USP15: variants seen among roughly 807,000 people sequenced by gnomAD.
USP15 encodes the protein ubiquitin specific peptidase 15.
In USP15, 18 loss-of-function variants were observed where a neutral mutation model predicts 127.1. The ratio of observed to expected loss-of-function variants is 0.14; its 90% confidence interval spans 0.10 to 0.21. The LOEUF (loss-of-function observed/expected upper bound fraction) is 0.21. Ranked by LOEUF, USP15 falls within the 10% of genes least tolerant of loss-of-function variation. The pLI is 1.00. For missense variants in USP15, 805 were observed against 1,159.9 expected (o/e 0.69, Z 4.44); for synonymous variants, 364 against 393.7 (o/e 0.92, Z 0.89).
In USP15 at chr12:62,409,158, A is replaced by G. The variant is rs1161606676; in HGVS notation, c.*4783A>G. 2 of 152,186 alleles carry G rather than the reference A, an allele frequency of 1.3e-5. No homozygotes were observed. The highest frequency in any genetic ancestry group is 2.9e-5 in the Non-Finnish European group (2 of 68,012). 9.4% of individuals were successfully genotyped at this position (152,186 alleles called of 1,614,324 possible). ...TTGGAAAATATATGCATCGGGAAAC[A>G]TACCCCACACGGTGCCATGGTTTAA... On this transcript the variant is annotated 3_prime_UTR_variant, in exon 22 of 22. Coordinates refer to ENST00000280377, the MANE Select transcript of USP15 (RefSeq NM_001252078.2).
chr12:62,371,279 T>TG (rs1279546437), intron 8 of USP15, among the ~76,000 whole-genome samples: 1 of 152,206 alleles, frequency 6.6e-6, no homozygotes, highest in East Asian at 1.9e-4. Context: ...CTTCCCTACT[T>TG]GCGTTTTTCA....
In USP15 at chr12:62,379,430, G is replaced by A. The variant is rs542636300; in HGVS notation, c.916-2060G>A. On this transcript the variant is annotated intron_variant, in intron 8 of 21. Coordinates refer to ENST00000280377, the MANE Select transcript of USP15 (RefSeq NM_001252078.2). ...CCGTTAAAGGATTTATAGCAAGGAA[G>A]CAACATGATGAGATGTACATTTTAG... Among the ~76,000 whole-genome samples, 24 of 152,208 alleles carry A rather than the reference G, an allele frequency of 1.6e-4. 1 individual carries two copies. In the South Asian group the frequency reaches 4.6e-3, roughly 29 times the overall value.
At chr12:62,390,826 G>C in intron 14 of USP15, 38 bp from the exon 15 acceptor site, 1 of 1,465,678 alleles carries the variant, frequency 6.8e-7, no homozygotes, top group Non-Finnish European at 9.4e-7. Flanking sequence ...TTTTATCTTT[G>C]TAGTACTGAA....
At chr12:62,362,330 T>C (rs1350712425) in intron 8 of USP15, among the ~76,000 whole-genome samples, 1 of 152,132 alleles carries the variant, frequency 6.6e-6, no homozygotes, top group Admixed American at 6.6e-5. Context: ...TAAAAATGTT[T>C]TTATGTTTAG....
intron 3 of USP15, chr12:62,304,810 A>G (rs1374745985): frequency 1.9e-5 from 7 of 367,634 alleles, no homozygotes; most frequent in African/African-American, 1.1e-4. Context: ...TAGATTTTAG[A>G]ATAGTGGGCT....
intron 1 of USP15, among the ~76,000 whole-genome samples, chr12:62,260,834 G>C (rs1249721355): frequency 1.3e-5 from 2 of 152,074 alleles, no homozygotes; most frequent in Non-Finnish European, 2.9e-5. Context: ...TAGTGGTTTG[G>C]TTTGAGTCTT....
intron 6 of USP15, among the ~76,000 whole-genome samples, chr12:62,339,817 G>A (rs922201457): frequency 6.6e-6 from 1 of 152,202 alleles, no homozygotes; most frequent in Admixed American, 6.5e-5. Context: ...TTGCATCAAT[G>A]TGCATCAGGG....
chr12:62,266,175 A>G (rs2063187946), intron 1 of USP15, among the ~76,000 whole-genome samples: 3 of 152,358 alleles, frequency 2.0e-5, no homozygotes, highest in Admixed American at 6.5e-5. Context: ...TTGTCTATCA[A>G]TAATCATAAG....
At chr12:62,285,762 T>C (rs887132065) in intron 1 of USP15, among the ~76,000 whole-genome samples, 1 of 152,230 alleles carries the variant, frequency 6.6e-6, no homozygotes, top group African/African-American at 2.4e-5. Flanking sequence ...TGCAGGTGTC[T>C]TTTTGATAGA....
At chr12:62,383,740 C>A in intron 9 of USP15, 100 bp from the exon 10 acceptor site, 2 of 1,313,456 alleles carry the variant, frequency 1.5e-6, no homozygotes, top group Non-Finnish European at 2.1e-6. Flanking sequence ...CAGGCAAATT[C>A]ACAAATGTGG....
At chr12:62,271,299 C>G (rs1380215430) in intron 1 of USP15, among the ~76,000 whole-genome samples, 1 of 151,766 alleles carries the variant, frequency 6.6e-6, no homozygotes, top group African/African-American at 2.4e-5. Flanking sequence ...TGCAGTTATG[C>G]AAGAAAAGTA....
At chr12:62,324,119 G>T (rs2065063702) in intron 5 of USP15, among the ~76,000 whole-genome samples, 1 of 151,540 alleles carries the variant, frequency 6.6e-6, no homozygotes, top group African/African-American at 2.4e-5. Context: ...TTTTGTGTGG[G>T]TTTAATTTTA....
chr12:62,354,045 T>G (rs1386175073), intron 7 of USP15, among the ~76,000 whole-genome samples: 1 of 151,820 alleles, frequency 6.6e-6, no homozygotes, highest in Non-Finnish European at 1.5e-5. Flanking sequence ...TTTTAAAAAA[T>G]GCAAAAACAT....
chr12:62,325,804 C>A, intron 5 of USP15, 68 bp from the exon 6 acceptor site: 3 of 1,311,288 alleles, frequency 2.3e-6, no homozygotes, highest in South Asian at 2.8e-5. Context: ...GTTTATCCAG[C>A]TATCTTCTAA....
chr12:62,392,227 T>A, intron 17 of USP15, 45 bp from the exon 18 acceptor site: 1 of 1,307,444 alleles, frequency 7.6e-7, no homozygotes, highest in Non-Finnish European at 1.1e-6. Flanking sequence ...CTAAAATGAG[T>A]TTTGTTTCAT....
At chr12:62,401,357 G>A (rs751275363) in intron 21 of USP15, 82 bp downstream of exon 21, 20 of 1,028,482 alleles carry the variant, frequency 1.9e-5, no homozygotes, top group Non-Finnish European at 2.9e-5. Flanking sequence ...GGGGCTCATG[G>A]AACACTGTAG....
rs542331445 is a variant in USP15, at chr12:62,351,585, A to G, written c.770+2278A>G. Among the ~76,000 whole-genome samples, 9 of 152,122 alleles carry G rather than the reference A, an allele frequency of 5.9e-5. No homozygotes were observed. In the South Asian group the frequency reaches 1.9e-3, roughly 32 times the overall value. On this transcript the variant is annotated intron_variant, in intron 7 of 21. Coordinates refer to ENST00000280377, the MANE Select transcript of USP15 (RefSeq NM_001252078.2). ...GTGTTTCTGGTTTTGTTCTGTTTGC[A>G]TTCTTAGTAAATACGTGACAGTATA... is the stretch of plus-strand genomic sequence containing the variant.
intron 1 of USP15, among the ~76,000 whole-genome samples, chr12:62,288,033 G>C (rs887234946): frequency 1.3e-5 from 2 of 152,050 alleles, no homozygotes; most frequent in African/African-American, 4.8e-5. Flanking sequence ...GATGCCTCCA[G>C]CTTTGTTCTT....
intron 8 of USP15, among the ~76,000 whole-genome samples, chr12:62,367,776 A>AT (rs988200611): frequency 4.0e-5 from 6 of 151,684 alleles, no homozygotes; most frequent in African/African-American, 1.5e-4. Flanking sequence ...GATTTCATTG[A>AT]TTTTTTTGAA....
Sources: allele counts gnomAD v4.1 joint callset (sites outside exome capture counted in the v4.1 genomes callset), GRCh38; gene constraint gnomAD v4.1.1; transcripts MANE v1.5; gene names NCBI Gene and HGNC (gene_info 2026-07-23, HGNC 2026-07-21).